DMC1: variants seen among roughly 807,000 people sequenced by gnomAD.
DMC1 encodes the protein meiotic recombination protein DMC1 homolog.
Under a neutral mutation model 50.1 loss-of-function variants are expected in DMC1, and 27 were observed. That is an observed-to-expected ratio of 0.54 (90% CI 0.40 to 0.74). The LOEUF is 0.74. DMC1 is among the 30% of genes least tolerant of loss of function. The pLI is 0.00. For synonymous variants in DMC1, 148 were observed against 136.1 expected (o/e 1.09, Z -0.61); for missense variants, 295 against 420.2 (o/e 0.70, Z 2.60).
intron 12 of DMC1, 38 bp from the exon 13 acceptor site, chr22:38,521,762 G>T: frequency 7.2e-7 from 1 of 1,387,826 alleles, no homozygotes; most frequent in Non-Finnish European, 1.0e-6. Flanking sequence ...TTCATCATAT[G>T]GACTATATAT....
chr22:38,524,774 G>A (rs2090069016), intron 12 of DMC1, among the ~76,000 whole-genome samples: 1 of 152,070 alleles, frequency 6.6e-6, no homozygotes, highest in Non-Finnish European at 1.5e-5. Context: ...CCAACAGTCT[G>A]TATTCTTTTA....
the DMC1 span, among the ~76,000 whole-genome samples, chr22:38,513,228 T>C: frequency 6.6e-6 from 1 of 152,204 alleles, no homozygotes; most frequent in African/African-American, 2.4e-5. Context: ...GTCAGGCCTC[T>C]GCCACTGCTG....
At chr22:38,557,586 G>A (rs745738852) in intron 5 of DMC1, among the ~76,000 whole-genome samples, 11 of 152,236 alleles carry the variant, frequency 7.2e-5, no homozygotes, top group Non-Finnish European at 1.6e-4. Flanking sequence ...TGTGCCTGCA[G>A]TCCCATCTAC....
At chr22:38,543,918 C>A (rs750310898) in intron 8 of DMC1, among the ~76,000 whole-genome samples, 1 of 152,148 alleles carries the variant, frequency 6.6e-6, no homozygotes, top group Non-Finnish European at 1.5e-5. Context: ...ACTGTGCAGT[C>A]CAACCCTAGC....
chr22:38,529,096 C>T (rs972702393), intron 12 of DMC1, among the ~76,000 whole-genome samples: 6 of 152,016 alleles, frequency 3.9e-5, no homozygotes, highest in South Asian at 4.1e-4. Flanking sequence ...CCACAACCTC[C>T]GCCTCCCAGG....
chr22:38,542,963 C>T (rs2090302589), intron 8 of DMC1, among the ~76,000 whole-genome samples: 1 of 152,202 alleles, frequency 6.6e-6, no homozygotes, highest in Non-Finnish European at 1.5e-5. Flanking sequence ...AAAGGACGGT[C>T]TCTTCAGTAA....
intron 5 of DMC1, 128 bp downstream of exon 5, chr22:38,562,158 AC>A: frequency 1.5e-6 from 1 of 661,420 alleles, no homozygotes; most frequent in South Asian, 1.9e-5. Flanking sequence ...AGAAAAAAAA[AC>A]AAACAAACCC....
At position 38,555,515 on chromosome 22, in the gene DMC1, T is replaced by C. The variant is rs2090460654; in HGVS notation, c.327-106A>G. The stretch of plus-strand genomic sequence containing the variant: ...TCCTTCCTATCTATGTATCTATCTA[T>C]CTATTCTATCATCTACCTATCTATC... On this transcript the variant is annotated intron_variant, in intron 5 of 13. Transcript: ENST00000216024. The C allele has an allele frequency of 2.8e-5, 21 of 749,434 alleles. No individual in the cohort carries two copies. In the South Asian group the frequency reaches 3.1e-4, roughly 11 times the overall value. 46.4% of individuals were successfully genotyped at this position (749,434 alleles called of 1,614,324 possible). A position where few individuals can be genotyped will look rare whatever the true frequency, so the allele number is the denominator to read the frequency against.
rs201915622 is a variant in DMC1, at chr22:38,539,346, G to T, written c.561C>A (p.Asn187Lys). The change falls in exon 9 of 14, where the codon AAC becomes AAA. Residue 187 changes from asparagine (N) to lysine (K), a missense_variant. Asn to Lys is a moderately conservative substitution (Grantham distance 94). Transcript: ENST00000216024. ...FNVDHDAVLD[N>K]VLYARAYTSE... is the part of the protein sequence containing the mutation. ...TAGTATATGCACGTGCATAAAGTAC[G>T]TTGTCCAGTACTGCATCATGGTCTA... The T allele has an allele frequency of 1.2e-6, 2 of 1,613,856 alleles. No individual in the cohort carries two copies. Among genetic ancestry groups the T allele is most frequent in the South Asian group, 2.2e-5 (2 of 91,080 alleles).
At chr22:38,530,245 T>C (rs1471607679) in intron 12 of DMC1, among the ~76,000 whole-genome samples, 2 of 151,614 alleles carry the variant, frequency 1.3e-5, no homozygotes, top group Non-Finnish European at 2.9e-5. Flanking sequence ...GGGATTACAG[T>C]TGTGAGCCAT....
rs747677200 is a variant in DMC1 at position 38,555,427 on chromosome 22, G to C, written c.327-18C>G. 1 of 1,507,790 alleles carries C rather than the reference G, an allele frequency of 6.6e-7. No individual in the cohort carries two copies. The allele number at this position is 1,507,790 out of a possible 1,614,324, so 93.4% of individuals were successfully genotyped here. A position where few individuals can be genotyped will look rare whatever the true frequency, so the allele number is the denominator to read the frequency against. ...GTAACTTACTGGAAATAGAAAGAAA[G>C]CATTAGTAACAGGAATAGAAATAGA... On this transcript the variant is annotated intron_variant, in intron 5 of 13. Coordinates refer to ENST00000216024, the MANE Select transcript of DMC1 (RefSeq NM_007068.4).
At chr22:38,510,092 G>A in the DMC1 span, among the ~76,000 whole-genome samples, 1 of 152,064 alleles carries the variant, frequency 6.6e-6, no homozygotes, top group African/African-American at 2.4e-5. Flanking sequence ...GCGCATGCCT[G>A]TAGCTACTCA....
intron 8 of DMC1, among the ~76,000 whole-genome samples, chr22:38,545,453 C>T (rs184951656): frequency 1.6e-4 from 25 of 151,958 alleles, no homozygotes; most frequent in Admixed American, 5.9e-4. Flanking sequence ...GATGGAGTCT[C>T]GCTCTGTCGC....
intron 12 of DMC1, among the ~76,000 whole-genome samples, chr22:38,524,223 G>A (rs1405928643): frequency 6.6e-6 from 1 of 152,102 alleles, no homozygotes; most frequent in Non-Finnish European, 1.5e-5. Flanking sequence ...AGACCAGCCT[G>A]GCCAATATGG....
At chr22:38,530,282 T>G (rs2090139342) in intron 12 of DMC1, among the ~76,000 whole-genome samples, 1 of 151,816 alleles carries the variant, frequency 6.6e-6, no homozygotes, top group Non-Finnish European at 1.5e-5. Flanking sequence ...TTTGAGATTT[T>G]GGGAAGATGG....
chr22:38,517,470 G>A (rs139773148), downstream of DMC1, among the ~76,000 whole-genome samples: 372 of 152,270 alleles, frequency 2.4e-3, 4 homozygotes, highest in African/African-American at 8.7e-3. Context: ...TCGGGAGGCT[G>A]AGGCAGGAGA....
chr22:38,519,933 C>T lies in DMC1; in HGVS notation c.*87G>A, dbSNP rs906162306. ...TTTAGTAACATGTGGGAAAAAACCT[C>T]TATTTCAAGATGTGAAATTGGAGAC... On this transcript the variant is annotated 3_prime_UTR_variant, in exon 14 of 14. Coordinates refer to ENST00000216024, the MANE Select transcript of DMC1 (RefSeq NM_007068.4). The T allele has an allele frequency of 4.4e-5, 49 of 1,107,196 alleles. No individual in the cohort carries two copies. Among genetic ancestry groups the T allele is most frequent in the Admixed American group, 8.6e-5 (5 of 58,368 alleles). The allele number at this position is 1,107,196 out of a possible 1,614,324, so 68.6% of individuals were successfully genotyped here.
intron 5 of DMC1, among the ~76,000 whole-genome samples, chr22:38,556,250 C>T (rs1207567589): frequency 6.6e-6 from 1 of 152,044 alleles, no homozygotes; most frequent in African/African-American, 2.4e-5. Context: ...TGTCACCTGA[C>T]ACAGGGCTAA....
Position 38,538,419 on chromosome 22 carries a change from A to T in DMC1, c.661-10T>A. The T allele has an allele frequency of 6.2e-7, 1 of 1,613,100 alleles. No homozygotes were observed. The highest frequency in any genetic ancestry group is 1.1e-5 in the South Asian group (1 of 91,062). On this transcript the variant is annotated splice_polypyrimidine_tract_variant and intron_variant, in intron 10 of 13. Coordinates refer to ENST00000216024, the MANE Select transcript of DMC1 (RefSeq NM_007068.4). ...TTATTGAATCGATAATCTACACAGG[A>T]TTAATGTAAAAATAAACATGCATTT... is the stretch of plus-strand genomic sequence containing the variant.
Sources: allele counts gnomAD v4.1 joint callset (sites outside exome capture counted in the v4.1 genomes callset), GRCh38; gene constraint gnomAD v4.1.1; transcripts MANE v1.5; gene names NCBI Gene and HGNC (gene_info 2026-07-23, HGNC 2026-07-21).